Variants in NUP107 observed in about 807,000 individuals in gnomAD.
NUP107 encodes the protein nuclear pore complex protein Nup107.
Under a neutral mutation model 141.0 loss-of-function variants are expected in NUP107, and 101 were observed. That is an observed-to-expected ratio of 0.72 (90% CI 0.61 to 0.84). The LOEUF (loss-of-function observed/expected upper bound fraction) is 0.84, where lower values mean the gene tolerates loss of function less well. NUP107 is among the 40% of genes least tolerant of loss of function. The pLI is 0.00. For synonymous variants in NUP107, 319 were observed against 363.9 expected (o/e 0.88, Z 1.41); for missense variants, 941 against 1,102.7 (o/e 0.85, Z 2.08).
chr12:68,727,341 T>C lies in NUP107; in HGVS notation c.1696-10T>C. On this transcript the variant is annotated splice_polypyrimidine_tract_variant and intron_variant, in intron 19 of 27. Transcript: ENST00000229179. ...GTGTATTTATAATTATGTCTTTTTT[T>C]CCTATGAAGGAGGAAGTTTCTATTG... 6.9e-7 allele frequency: 1 copy of C among 1,440,348 alleles called. No homozygotes were observed. The highest frequency in any genetic ancestry group is 9.7e-7 in the Non-Finnish European group (1 of 1,034,648). 89.2% of individuals were successfully genotyped at this position (1,440,348 alleles called of 1,614,324 possible).
Position 68,712,283 on chromosome 12 carries a change from G to A in NUP107, c.891-1447G>A, listed in dbSNP as rs545690165. Among the ~76,000 whole-genome samples, 12 of 152,084 alleles carry A rather than the reference G, an allele frequency of 7.9e-5. 1 individual carries two copies. The highest frequency in any genetic ancestry group is 2.4e-4 in the African/African-American group (10 of 41,472). On this transcript the variant is annotated intron_variant, in intron 10 of 27. Transcript: ENST00000229179. ...GGATCACCTGAGATCAGGAGTTCAA[G>A]AGCAGTCTGGCCAACATGGTAAAAC...
At position 68,690,763 on chromosome 12, in the gene NUP107, G is replaced by C. The variant is rs1292017731; in HGVS notation, c.303+17G>C. The C allele has an allele frequency of 6.2e-7, 1 of 1,612,870 alleles. No homozygotes were observed. The highest frequency in any genetic ancestry group is 1.3e-5 in the African/African-American group (1 of 74,854). ...CTCTCCATGGTATGTAGAAAAATAG[G>C]GCTAAGAACTCCTTTTGGGTCGAGT... On this transcript the variant is annotated intron_variant, in intron 4 of 27. Transcript: ENST00000229179.
intron 9 of NUP107, 46 bp from the exon 10 acceptor site, chr12:68,709,959 T>C (rs201316282): frequency 1.8e-6 from 2 of 1,085,442 alleles, no homozygotes; most frequent in East Asian, 2.4e-5. Flanking sequence ...AAAACACAAA[T>C]AGATTTGGTA....
chr12:68,734,055 G>A (rs1243813016), intron 24 of NUP107, among the ~76,000 whole-genome samples: 2 of 152,168 alleles, frequency 1.3e-5, no homozygotes, highest in African/African-American at 4.8e-5. Flanking sequence ...AGCATTGCTT[G>A]AGCCTGGGAG....
intron 5 of NUP107, among the ~76,000 whole-genome samples, chr12:68,696,610 G>A (rs954033593): frequency 6.6e-6 from 1 of 152,166 alleles, no homozygotes; most frequent in Non-Finnish European, 1.5e-5. Flanking sequence ...CTAGTTGGGA[G>A]GGTGAGGCAG....
chr12:68,702,041 T>A (rs1191982006), intron 7 of NUP107, among the ~76,000 whole-genome samples: 1 of 152,220 alleles, frequency 6.6e-6, no homozygotes, highest in Non-Finnish European at 1.5e-5. Flanking sequence ...CAGGCTGGAA[T>A]GCAGTGGTGT....
chr12:68,738,839 C>T (rs1157501457), intron 26 of NUP107, among the ~76,000 whole-genome samples: 1 of 152,170 alleles, frequency 6.6e-6, no homozygotes, highest in Non-Finnish European at 1.5e-5. Flanking sequence ...TACAGATGGA[C>T]TAGTGACCCT....
At chr12:68,719,785 G>A (rs1276060715) in intron 14 of NUP107, 131 bp downstream of exon 14, 1 of 669,776 alleles carries the variant, frequency 1.5e-6, no homozygotes, top group East Asian at 2.7e-5. Flanking sequence ...TTGAGGAATA[G>A]GCTTAACTAC....
At chr12:68,737,475 G>A (rs1486784266) in intron 26 of NUP107, among the ~76,000 whole-genome samples, 1 of 150,906 alleles carries the variant, frequency 6.6e-6, no homozygotes, top group East Asian at 2.0e-4. Context: ...GCAGGAGAAT[G>A]GCCTGAACCC....
intron 13 of NUP107, 47 bp from the exon 14 acceptor site, chr12:68,719,531 A>C: frequency 6.4e-7 from 1 of 1,565,606 alleles, no homozygotes; most frequent in Non-Finnish European, 8.8e-7. Flanking sequence ...AAAGAATTGT[A>C]ATAAGGTCTT....
At chr12:68,724,621 A>T (rs1877483811) in intron 17 of NUP107, among the ~76,000 whole-genome samples, 1 of 152,070 alleles carries the variant, frequency 6.6e-6, no homozygotes, top group South Asian at 2.1e-4. Flanking sequence ...TACAAAAAAA[A>T]TTTTAAAAAT....
At chr12:68,735,408 A>G in intron 26 of NUP107, 64 bp downstream of exon 26, 4 of 1,132,240 alleles carry the variant, frequency 3.5e-6, no homozygotes, top group Non-Finnish European at 5.4e-6. Context: ...TTTTAAAAAT[A>G]TTCTGTCTCT....
chr12:68,711,631 T>C (rs1282873423), intron 10 of NUP107, among the ~76,000 whole-genome samples: 1 of 152,168 alleles, frequency 6.6e-6, no homozygotes, highest in East Asian at 1.9e-4. Context: ...TAAGAGACTT[T>C]TATGAAATAA....
chr12:68,708,010 G>C (rs1876676602), intron 8 of NUP107, among the ~76,000 whole-genome samples: 1 of 151,910 alleles, frequency 6.6e-6, no homozygotes, highest in South Asian at 2.1e-4. Context: ...AGAATCACTT[G>C]AGCCCAGGAG....
At position 68,743,732 on chromosome 12, in the gene NUP107, T is replaced by G. The variant is rs1042983966; in HGVS notation, c.*1270T>G. 2.0e-5 allele frequency: 3 copies of G among 152,220 alleles called. No individual in the cohort carries two copies. Among genetic ancestry groups the G allele is most frequent in the Admixed American group, 6.5e-5 (1 of 15,276 alleles). 9.4% of individuals were successfully genotyped at this position (152,220 alleles called of 1,614,324 possible). On this transcript the variant is annotated 3_prime_UTR_variant, in exon 28 of 28. Coordinates refer to ENST00000229179, the MANE Select transcript of NUP107 (RefSeq NM_020401.4). ...ATCTAAGGAATTTCTTGAATATGTA[T>G]TTATAGATGCCACCCCTAGAGACAG... is the stretch of plus-strand genomic sequence containing the variant.
chr12:68,715,330 C>T (rs1425415902), intron 11 of NUP107, among the ~76,000 whole-genome samples: 2 of 152,102 alleles, frequency 1.3e-5, no homozygotes, highest in Non-Finnish European at 2.9e-5. Flanking sequence ...CCCGTCTCTA[C>T]TAAAAATACA....
At chr12:68,702,561 G>A (rs114015615) in intron 7 of NUP107, among the ~76,000 whole-genome samples, 175 bp from the exon 8 acceptor site, 16 of 152,070 alleles carry the variant, frequency 1.1e-4, no homozygotes, top group African/African-American at 3.4e-4. Context: ...CAGTGTGCCC[G>A]GCCTGTTGTC....
chr12:68,721,490 G>A (rs1020814717), intron 15 of NUP107, among the ~76,000 whole-genome samples: 8 of 152,064 alleles, frequency 5.3e-5, no homozygotes, highest in African/African-American at 1.4e-4. Flanking sequence ...GAAATGTACC[G>A]GAAAGACACA....
At chr12:68,714,586 T>G (rs1274364821) in intron 11 of NUP107, among the ~76,000 whole-genome samples, 1 of 152,240 alleles carries the variant, frequency 6.6e-6, no homozygotes. Context: ...GAATTGATAT[T>G]CATATTACCA....
Sources: gnomAD v4.1 joint callset for allele counts (sites outside exome capture counted in the v4.1 genomes callset) on GRCh38, gnomAD v4.1.1 for gene constraint, MANE v1.5 for transcripts, NCBI Gene and HGNC (gene_info 2026-07-23, HGNC 2026-07-21) for gene names.